ARHGEF7: variants seen among roughly 807,000 people sequenced by gnomAD.
ARHGEF7 encodes PAK-interacting exchange factor beta.
In ARHGEF7, 33 loss-of-function variants were observed where a neutral mutation model predicts 109.8. The observed-to-expected ratio is 0.30, with a 90% CI of 0.23 to 0.40. ARHGEF7 has a LOEUF of 0.40. Ranked by LOEUF, ARHGEF7 falls within the 10% of genes least tolerant of loss-of-function variation. ARHGEF7 has a pLI of 1.00. For synonymous variants in ARHGEF7, 458 were observed against 424.6 expected (o/e 1.08, Z -0.97); for missense variants, 938 against 1,098.5 (o/e 0.85, Z 2.07).
At chr13:111,165,074 T>C (rs1315859491) in intron 2 of ARHGEF7, among the ~76,000 whole-genome samples, 1 of 152,022 alleles carries the variant, frequency 6.6e-6, no homozygotes, top group Non-Finnish European at 1.5e-5. Context: ...AGAGAACATG[T>C]AGGGGTTGAG....
chr13:111,138,681 A>G (rs1483768627), intron 1 of ARHGEF7, among the ~76,000 whole-genome samples: 2 of 152,170 alleles, frequency 1.3e-5, no homozygotes, highest in Non-Finnish European at 2.9e-5. Context: ...GGCAAAACCA[A>G]AGACACATTG....
intron 19 of ARHGEF7, among the ~76,000 whole-genome samples, chr13:111,296,003 G>A (rs1413028727): frequency 1.3e-5 from 2 of 152,226 alleles, no homozygotes; most frequent in Admixed American, 6.5e-5. Flanking sequence ...CCACACTGGT[G>A]CCTGGGCTGG....
chr13:111,115,786 A>C, intron 1 of ARHGEF7, 95 bp downstream of exon 1: 1 of 712,466 alleles, frequency 1.4e-6, no homozygotes, highest in South Asian at 6.5e-5. Flanking sequence ...CGCGCTCGGG[A>C]AACCCGTGCG....
At chr13:111,129,238 G>A (rs2074612496) in intron 1 of ARHGEF7, among the ~76,000 whole-genome samples, 2 of 152,038 alleles carry the variant, frequency 1.3e-5, no homozygotes, top group Non-Finnish European at 2.9e-5. Context: ...TAAATGTAAA[G>A]CCTAAAACTA....
intron 8 of ARHGEF7, among the ~76,000 whole-genome samples, chr13:111,246,172 A>G (rs560989111): frequency 7.2e-5 from 11 of 152,350 alleles, no homozygotes; most frequent in African/African-American, 1.4e-4. Flanking sequence ...AGTAGTGCAC[A>G]TGGAAGCTTT....
intron 9 of ARHGEF7, among the ~76,000 whole-genome samples, chr13:111,269,459 TCTC>T (rs1319336255): frequency 6.6e-6 from 1 of 152,192 alleles, no homozygotes; most frequent in East Asian, 1.9e-4. Flanking sequence ...TTGATCCTCT[TCTC>T]TGTTATTACC....
chr13:111,187,033 T>C (rs1332880535), intron 2 of ARHGEF7: 1 of 985,472 alleles, frequency 1.0e-6, no homozygotes, highest in African/African-American at 1.7e-5. Flanking sequence ...TGCTTGTTGG[T>C]GTGGGTATTG....
intron 2 of ARHGEF7, among the ~76,000 whole-genome samples, chr13:111,176,834 G>A (rs1000352021): frequency 1.1e-4 from 17 of 152,208 alleles, no homozygotes; most frequent in African/African-American, 3.9e-4. Flanking sequence ...TTGGCTCACT[G>A]CAACCTCTGC....
chr13:111,211,616 G>C (rs1270826900), intron 4 of ARHGEF7, among the ~76,000 whole-genome samples: 1 of 152,190 alleles, frequency 6.6e-6, no homozygotes, highest in Non-Finnish European at 1.5e-5. Flanking sequence ...GGGTGCTAGA[G>C]AGCTGCTTTC....
intron 5 of ARHGEF7, among the ~76,000 whole-genome samples, chr13:111,219,493 G>A (rs2153493142): frequency 6.6e-6 from 1 of 152,162 alleles, no homozygotes; most frequent in East Asian, 1.9e-4. Flanking sequence ...GTTCTTTTCT[G>A]TATATACCCA....
intron 2 of ARHGEF7, among the ~76,000 whole-genome samples, chr13:111,181,553 G>A (rs2078732154): frequency 6.6e-6 from 1 of 152,164 alleles, no homozygotes; most frequent in Admixed American, 6.5e-5. Flanking sequence ...TTTCATTGTG[G>A]TGGAGAACTT....
At chr13:111,267,370 C>T (rs1681369640) in intron 8 of ARHGEF7, among the ~76,000 whole-genome samples, 178 bp from the exon 9 acceptor site, 1 of 152,100 alleles carries the variant, frequency 6.6e-6, no homozygotes. Flanking sequence ...TTCTGGGCGC[C>T]CCTTCTCCTT....
intron 19 of ARHGEF7, chr13:111,295,165 A>G: frequency 1.0e-6 from 1 of 985,828 alleles, no homozygotes; most frequent in Non-Finnish European, 1.2e-6. Flanking sequence ...CCTGTTATGT[A>G]CAGTTGAAAT....
intron 1 of ARHGEF7, among the ~76,000 whole-genome samples, chr13:111,124,744 T>G (rs2067443429): frequency 6.6e-6 from 1 of 151,942 alleles, no homozygotes; most frequent in Non-Finnish European, 1.5e-5. Flanking sequence ...TGGGGATAGG[T>G]GTCTTCTAGT....
chr13:111,247,331 C>T (rs767727423), intron 8 of ARHGEF7, among the ~76,000 whole-genome samples: 8 of 151,440 alleles, frequency 5.3e-5, no homozygotes, highest in South Asian at 2.1e-4. Context: ...TGCACTGGTG[C>T]GATCTCAGCT....
chr13:111,165,521 G>A (rs934978115), intron 2 of ARHGEF7, among the ~76,000 whole-genome samples: 1 of 152,158 alleles, frequency 6.6e-6, no homozygotes, highest in African/African-American at 2.4e-5. Flanking sequence ...AAAATACTAA[G>A]TTTCTGTGTA....
At chr13:111,224,206 C>T in intron 5 of ARHGEF7, among the ~76,000 whole-genome samples, 1 of 137,324 alleles carries the variant, frequency 7.3e-6, no homozygotes, top group East Asian at 2.6e-4. Flanking sequence ...CACCCACCCA[C>T]CCACCCTCAC....
chr13:111,185,454 C>T (rs1169652688), intron 2 of ARHGEF7, among the ~76,000 whole-genome samples: 1 of 152,158 alleles, frequency 6.6e-6, no homozygotes. Context: ...ATTTCGGTGG[C>T]ACCTTGGGAG....
At chr13:111,283,562 T>C (rs550864932) in intron 16 of ARHGEF7, among the ~76,000 whole-genome samples, 199 bp downstream of exon 16, 1 of 152,342 alleles carries the variant, frequency 6.6e-6, no homozygotes, top group East Asian at 1.9e-4. Context: ...GGGAAGGCGA[T>C]GTGCAGGGTC....
Sources: gnomAD v4.1 joint callset for allele counts (sites outside exome capture counted in the v4.1 genomes callset) on GRCh38, gnomAD v4.1.1 for gene constraint, MANE v1.5 for transcripts, NCBI Gene and HGNC (gene_info 2026-07-23, HGNC 2026-07-21) for gene names.